The following SGCZ variants were observed in gnomAD, a reference collection of about 807,000 sequenced individuals.
SGCZ encodes the protein sarcoglycan zeta.
Under a neutral mutation model 41.3 loss-of-function variants are expected in SGCZ, and 40 were observed. The ratio of observed to expected loss-of-function variants is 0.97; its 90% CI spans 0.75 to 1.26. The LOEUF is 1.26. Among genes scored for constraint, SGCZ ranks in the 50% most tolerant of loss-of-function variants. The pLI, the probability that SGCZ is intolerant of heterozygous loss-of-function variation, is 0.00. For missense variants in SGCZ, 552 were observed against 369.8 expected, an observed-to-expected ratio of 1.49 and a Z score of -4.04; for synonymous variants, 206 against 137.5, an observed-to-expected ratio of 1.50 and a Z score of -3.49.
intron 1 of SGCZ, among the ~76,000 whole-genome samples, chr8:14,909,283 CTA>C (rs1799211104): frequency 6.6e-6 from 1 of 152,128 alleles, no homozygotes; most frequent in African/African-American, 2.4e-5. Context: ...GAAAAATCCT[CTA>C]AATCCAGTTG....
rs1005331612 is a variant in SGCZ at position 14,087,795 on chromosome 8, G to A, written c.*2648C>T. Among the ~76,000 whole-genome samples the A allele has an allele frequency of 1.3e-5, 2 of 151,562 alleles. No individual in the cohort carries two copies. Among genetic ancestry groups the A allele is most frequent in the Non-Finnish European group, 3.0e-5 (2 of 67,736 alleles). On this transcript the variant is annotated 3_prime_UTR_variant, in exon 8 of 8. Coordinates refer to ENST00000382080, the MANE Select transcript of SGCZ (RefSeq NM_139167.4). ...CCATTCTTCTAAGCCTTCACAATAG[G>A]CTTGATCTCTCTGAGGCAGGGATCT... is the stretch of plus-strand genomic sequence containing the variant.
intron 1 of SGCZ, among the ~76,000 whole-genome samples, chr8:15,050,822 G>A (rs953896378): frequency 6.6e-6 from 1 of 152,162 alleles, no homozygotes; most frequent in Admixed American, 6.6e-5. Context: ...ACCAGAAGTG[G>A]TAGATAAAGA....
At chr8:14,813,568 C>T (rs1006817851) in intron 1 of SGCZ, among the ~76,000 whole-genome samples, 1 of 152,316 alleles carries the variant, frequency 6.6e-6, no homozygotes, top group Admixed American at 6.5e-5. Flanking sequence ...CTGAGAAAAT[C>T]TTGCTCTGAA....
chr8:14,130,361 T>C (rs993272253), intron 5 of SGCZ, among the ~76,000 whole-genome samples: 1 of 149,586 alleles, frequency 6.7e-6, no homozygotes, highest in East Asian at 2.0e-4. Context: ...AAATATATTA[T>C]TGTCAAAAAT....
At chr8:14,998,711 T>C (rs975244574) in intron 1 of SGCZ, among the ~76,000 whole-genome samples, 4 of 152,250 alleles carry the variant, frequency 2.6e-5, no homozygotes, top group Admixed American at 6.5e-5. Flanking sequence ...AGTTTGGTCC[T>C]GTATAGAGTT....
intron 5 of SGCZ, among the ~76,000 whole-genome samples, chr8:14,134,733 G>A (rs532378762): frequency 3.9e-5 from 6 of 152,128 alleles, no homozygotes; most frequent in East Asian, 3.9e-4. Context: ...CAAAGACTTC[G>A]TTTTCTCTGT....
chr8:14,963,405 C>G lies in SGCZ; in HGVS notation c.39+274180G>C, dbSNP rs1025066267. On this transcript the variant is annotated intron_variant, in intron 1 of 7. Transcript: ENST00000382080. ...CGAGCCTGGAGTCCAGCGGCACAAT[C>G]TTGGCTCACTGCATCCTGCGCCTCC... 2.6e-5 allele frequency among the ~76,000 whole-genome samples: 4 copies of G among 151,376 alleles called. 1 individual carries two copies. The East Asian group carries it at 7.8e-4, about 30-fold the overall frequency.
intron 1 of SGCZ, among the ~76,000 whole-genome samples, chr8:15,086,432 C>T (rs952742133): frequency 6.6e-6 from 1 of 152,120 alleles, no homozygotes; most frequent in African/African-American, 2.4e-5. Context: ...CAAGTATTTT[C>T]TTTCCATGCC....
chr8:14,417,186 C>T (rs868364693), intron 2 of SGCZ, among the ~76,000 whole-genome samples: 24 of 151,932 alleles, frequency 1.6e-4, no homozygotes, highest in African/African-American at 5.8e-4. Context: ...GTAATTGTAA[C>T]ATGGAAGAAG....
At chr8:14,278,889 TTTTAAATGGTC>T (rs1800324875) in intron 3 of SGCZ, among the ~76,000 whole-genome samples, 2 of 152,076 alleles carry the variant, frequency 1.3e-5, no homozygotes, top group Non-Finnish European at 2.9e-5. Flanking sequence ...TACAAGGTAG[TTTTAAATGGTC>T]AGCCCACAAA....
intron 5 of SGCZ, among the ~76,000 whole-genome samples, chr8:14,114,861 C>A (rs1802477008): frequency 6.6e-6 from 1 of 151,804 alleles, no homozygotes; most frequent in South Asian, 2.1e-4. Context: ...AAAAGCTCTT[C>A]ATTTATTATT....
intron 2 of SGCZ, among the ~76,000 whole-genome samples, chr8:14,476,179 G>C (rs1490161247): frequency 3.3e-5 from 5 of 152,102 alleles, no homozygotes; most frequent in Admixed American, 6.6e-5. Flanking sequence ...GTTTTTGTGA[G>C]AGTGTTTCTG....
chr8:14,179,608 A>G (rs1585205839), intron 4 of SGCZ, among the ~76,000 whole-genome samples: 2 of 152,114 alleles, frequency 1.3e-5, no homozygotes, highest in Non-Finnish European at 2.9e-5. Flanking sequence ...CTGCTCTACA[A>G]ATAGTCATGG....
chr8:14,436,528 T>C (rs760181389), intron 2 of SGCZ, among the ~76,000 whole-genome samples: 1 of 152,124 alleles, frequency 6.6e-6, no homozygotes, highest in African/African-American at 2.4e-5. Context: ...AGTAAGACCA[T>C]ATTTATCTTT....
At chr8:14,223,256 T>C (rs184616431) in intron 4 of SGCZ, among the ~76,000 whole-genome samples, 1 of 152,322 alleles carries the variant, frequency 6.6e-6, no homozygotes, top group East Asian at 1.9e-4. Context: ...GTGCTTGTGA[T>C]ATTTGGTGCA....
At chr8:15,180,610 G>A (rs1800143617) in intron 1 of SGCZ, among the ~76,000 whole-genome samples, 1 of 152,072 alleles carries the variant, frequency 6.6e-6, no homozygotes, top group Non-Finnish European at 1.5e-5. Flanking sequence ...GAAAGGCTGG[G>A]CATGGTGACT....
chr8:14,866,384 A>G (rs1160262876), intron 1 of SGCZ, among the ~76,000 whole-genome samples: 2 of 152,148 alleles, frequency 1.3e-5, no homozygotes, highest in South Asian at 2.1e-4. Flanking sequence ...AACATTCAGC[A>G]TCTTTTGAGA....
chr8:14,672,822 G>C (rs922292577), intron 1 of SGCZ, among the ~76,000 whole-genome samples: 5 of 151,776 alleles, frequency 3.3e-5, no homozygotes, highest in Admixed American at 2.0e-4. Context: ...CATAGAGTAT[G>C]AATAAATGGT....
chr8:14,110,812 G>A (rs1802349061), intron 5 of SGCZ, among the ~76,000 whole-genome samples: 4 of 152,090 alleles, frequency 2.6e-5, no homozygotes, highest in Admixed American at 1.3e-4. Flanking sequence ...CAGCACTTTA[G>A]GAGGACGAAG....
Sources: allele counts gnomAD v4.1 joint callset (sites outside exome capture counted in the v4.1 genomes callset), GRCh38; gene constraint gnomAD v4.1.1; transcripts MANE v1.5; gene names NCBI Gene and HGNC (gene_info 2026-07-23, HGNC 2026-07-21).